Variants in PKIB observed in about 807,000 individuals in gnomAD.
The protein encoded by PKIB is PKI-beta.
A neutral mutation model predicts 4.5 loss-of-function variants in PKIB; 2 were observed. That is an observed-to-expected ratio of 0.44 (90% confidence interval 0.18 to 1.39). The LOEUF is 1.39. PKIB is among the 40% of genes most tolerant of loss of function. PKIB has a pLI of 0.27. For synonymous variants in PKIB, 38 were observed against 36.0 expected, an observed-to-expected ratio of 1.06 and a Z score of -0.20; for missense variants, 94 against 92.6, an observed-to-expected ratio of 1.02 and a Z score of -0.06.
At chr6:122,543,551 C>T (rs62424323) in intron 2 of PKIB, among the ~76,000 whole-genome samples, 1,947 of 151,762 alleles carry the variant, frequency 0.013, 20 homozygotes, top group Non-Finnish European at 0.018. Context: ...AGCTAATTTT[C>T]GTATTTTTAG....
chr6:122,718,047 A>C, intron 4 of PKIB, 84 bp downstream of exon 4: 1 of 1,378,300 alleles, frequency 7.3e-7, no homozygotes, highest in African/African-American at 1.5e-5. Context: ...TCTTTTATCT[A>C]GTTAAAAGTG....
chr6:122,604,072 C>T (rs1322673751), intron 3 of PKIB, among the ~76,000 whole-genome samples: 1 of 152,046 alleles, frequency 6.6e-6, no homozygotes, highest in Non-Finnish European at 1.5e-5. Context: ...GATGCTGCAC[C>T]ATTAAATGGT....
At chr6:122,672,985 A>G (rs1333666014) in intron 2 of PKIB, among the ~76,000 whole-genome samples, 1 of 152,108 alleles carries the variant, frequency 6.6e-6, no homozygotes, top group Non-Finnish European at 1.5e-5. Context: ...GCATATCTTC[A>G]TTAAATCTGA....
chr6:122,489,240 ATT>A (rs1775868972), intron 2 of PKIB, among the ~76,000 whole-genome samples: 3 of 150,584 alleles, frequency 2.0e-5, no homozygotes, highest in Admixed American at 6.6e-5. Flanking sequence ...TATTATTATT[ATT>A]ATTATTGTTA....
At chr6:122,662,522 G>A (rs1835471) in intron 2 of PKIB, among the ~76,000 whole-genome samples, 89,932 of 150,416 alleles carry the variant, frequency 0.6, 28,511 homozygotes, top group Non-Finnish European at 0.71. Context: ...GTTTCCCCAT[G>A]TTGGACAGGC....
intron 2 of PKIB, among the ~76,000 whole-genome samples, chr6:122,486,043 C>T (rs1334148702): frequency 6.6e-6 from 1 of 152,174 alleles, no homozygotes; most frequent in East Asian, 1.9e-4. Flanking sequence ...GCTAATTCAT[C>T]ACAAAATATA....
chr6:122,694,819 C>T (rs1043064971), intron 3 of PKIB, among the ~76,000 whole-genome samples: 11 of 152,116 alleles, frequency 7.2e-5, no homozygotes, highest in African/African-American at 2.7e-4. Flanking sequence ...TCGAGGTGTA[C>T]ATAGCTGGGA....
chr6:122,628,027 C>T (rs1357648269), intron 1 of PKIB, among the ~76,000 whole-genome samples: 2 of 150,592 alleles, frequency 1.3e-5, no homozygotes, highest in African/African-American at 4.9e-5. Flanking sequence ...TATTGTATAT[C>T]GAGTGTATCC....
chr6:122,604,679 C>T (rs1345526149), intron 3 of PKIB, among the ~76,000 whole-genome samples: 2 of 152,228 alleles, frequency 1.3e-5, no homozygotes, highest in East Asian at 3.9e-4. Context: ...CAGGATAATC[C>T]CTTAGTTCTT....
At chr6:122,568,586 C>T (rs558549583) in intron 2 of PKIB, among the ~76,000 whole-genome samples, 1 of 152,312 alleles carries the variant, frequency 6.6e-6, no homozygotes, top group South Asian at 2.1e-4. Context: ...TCAGTGTGAA[C>T]CCAAGAAAGC....
chr6:122,671,027 C>T (rs1777442196), intron 2 of PKIB, among the ~76,000 whole-genome samples: 1 of 152,192 alleles, frequency 6.6e-6, no homozygotes. Context: ...GGCGCGGTGG[C>T]TCACGCCTGT....
At position 122,611,275 on chromosome 6, in the gene PKIB, G is replaced by T. The variant is rs989160987; in HGVS notation, c.-161+740G>T. Among the ~76,000 whole-genome samples the T allele has an allele frequency of 2.0e-5, 3 of 152,182 alleles. No homozygotes were observed. The East Asian group carries it at 5.8e-4, about 29-fold the overall frequency. The stretch of plus-strand genomic sequence containing the variant: ...GCCAAATGACCCTGCCTTGCAGCAG[G>T]TCCCTTCCAAGGGAGCTGAGAGGGC... On this transcript the variant is annotated intron_variant, in intron 1 of 4. Transcript: ENST00000368452.
chr6:122,478,162 C>T (rs1249935853), intron 2 of PKIB: 1 of 151,802 alleles, frequency 6.6e-6, no homozygotes, highest in African/African-American at 2.4e-5. Flanking sequence ...TGGGTCTGTC[C>T]CTTTCCTCCA....
chr6:122,590,033 G>T (rs137911761), intron 3 of PKIB, among the ~76,000 whole-genome samples: 2 of 152,074 alleles, frequency 1.3e-5, no homozygotes, highest in African/African-American at 4.8e-5. Context: ...AGAAAAAAAT[G>T]AGTAAAAATC....
intron 3 of PKIB, among the ~76,000 whole-genome samples, chr6:122,703,079 G>A (rs1438082696): frequency 2.0e-5 from 3 of 152,058 alleles, no homozygotes; most frequent in African/African-American, 4.8e-5. Context: ...CTTCTCTTAC[G>A]AAACAAGCTT....
chr6:122,614,808 G>A (rs947522214), intron 1 of PKIB, among the ~76,000 whole-genome samples: 16 of 152,238 alleles, frequency 1.1e-4, no homozygotes, highest in African/African-American at 3.9e-4. Flanking sequence ...ATGTGTATGT[G>A]CATGTGTGTG....
chr6:122,626,790 TATGA>T (rs930178314), intron 1 of PKIB, among the ~76,000 whole-genome samples: 3 of 152,158 alleles, frequency 2.0e-5, no homozygotes, highest in South Asian at 2.1e-4. Context: ...TTTTTTAATA[TATGA>T]ATGAATGAAC....
intron 2 of PKIB, among the ~76,000 whole-genome samples, chr6:122,528,272 G>A (rs1363755779): frequency 6.6e-6 from 1 of 152,102 alleles, no homozygotes; most frequent in Non-Finnish European, 1.5e-5. Flanking sequence ...CATCTTACAT[G>A]TGTTCTTAGA....
intron 1 of PKIB, among the ~76,000 whole-genome samples, chr6:122,618,539 ATTT>A (rs1179876204): frequency 6.6e-6 from 1 of 152,094 alleles, no homozygotes; most frequent in African/African-American, 2.4e-5. Context: ...AAAAAGGTCT[ATTT>A]ATATTTGATT....
Sources: allele counts gnomAD v4.1 joint callset (sites outside exome capture counted in the v4.1 genomes callset), GRCh38; gene constraint gnomAD v4.1.1; transcripts MANE v1.5; gene names NCBI Gene and HGNC (gene_info 2026-07-23, HGNC 2026-07-21).